PTPA: variants seen among roughly 807,000 people sequenced by gnomAD.
The protein encoded by PTPA is serine/threonine-protein phosphatase 2A activator.
PTPA carries 13 observed loss-of-function variants against 43.6 expected under a neutral mutation model. The ratio of observed to expected loss-of-function variants is 0.30; its 90% confidence interval spans 0.19 to 0.47. The LOEUF is 0.47. Among genes scored for constraint, PTPA ranks in the 20% least tolerant of loss-of-function variants. The pLI, the probability that PTPA is intolerant of heterozygous loss-of-function variation, is 0.99. For synonymous variants in PTPA, 172 were observed against 158.2 expected (o/e 1.09, Z -0.66); for missense variants, 329 against 411.9 (o/e 0.80, Z 1.74).
Position 129,123,120 on chromosome 9 carries a change from C to A in PTPA, c.198C>A (p.Phe66Leu). ...NEGVKGKKLTFEYRVSEAIEK... is the reference protein window; with the variant it reads ...NEGVKGKKLTLEYRVSEAIEK... ...GTGTGAAGGGGAAGAAGCTGACCTT[C>A]GAGTACAGAGTCTCCGAGGTAGGCC... Residue 66 changes from phenylalanine to leucine, a missense_variant, in exon 3 of 10, where the codon TTC (phenylalanine) becomes TTA (leucine). Coordinates refer to ENST00000393370, the MANE Select transcript of PTPA (RefSeq NM_178000.3). 1.2e-6 allele frequency: 2 copies of A among 1,610,744 alleles called. No homozygotes were observed. The highest frequency in any genetic ancestry group is 8.5e-7 in the Non-Finnish European group (1 of 1,177,442).
In PTPA at chr9:129,147,487, C is replaced by T. The variant is rs375232146; in HGVS notation, c.*23C>T. The T allele has an allele frequency of 6.2e-7, 1 of 1,608,992 alleles. No individual in the cohort carries two copies. The highest frequency in any genetic ancestry group is 8.5e-7 in the Non-Finnish European group (1 of 1,176,436). On this transcript the variant is annotated 3_prime_UTR_variant, in exon 10 of 10. Transcript: ENST00000393370. ...TAGGAGGGGCCAAGCCGAAGAGCCACCCAGGCCACAGTTCCTGTGCCTGCC... is the reference window on the plus strand; with the variant it reads ...TAGGAGGGGCCAAGCCGAAGAGCCATCCAGGCCACAGTTCCTGTGCCTGCC...
intron 3 of PTPA, chr9:129,128,115 C>G (rs1411516124): frequency 1.6e-6 from 2 of 1,227,300 alleles, no homozygotes; most frequent in African/African-American, 3.1e-5. Context: ...CTGAGAGGCT[C>G]AGAGTTAGTC....
At chr9:129,133,845 AACAG>A (rs1850158300) in intron 5 of PTPA, among the ~76,000 whole-genome samples, 1 of 152,168 alleles carries the variant, frequency 6.6e-6, no homozygotes, top group Non-Finnish European at 1.5e-5. Context: ...GTGTTCCTCA[AACAG>A]ATCAAACTTT....
At chr9:129,113,307 G>T (rs1848664151) in intron 1 of PTPA, among the ~76,000 whole-genome samples, 1 of 151,696 alleles carries the variant, frequency 6.6e-6, no homozygotes, top group South Asian at 2.1e-4. Context: ...GGCCAGGCTG[G>T]TCTCGAACTC....
chr9:129,128,900 T>C, intron 3 of PTPA, 85 bp from the exon 4 acceptor site: 1 of 1,549,426 alleles, frequency 6.5e-7, no homozygotes, highest in Non-Finnish European at 8.8e-7. Flanking sequence ...CAAGGGGTCA[T>C]TGTCTGGCAG....
intron 6 of PTPA, among the ~76,000 whole-genome samples, chr9:129,135,965 A>T (rs1349392324): frequency 3.3e-5 from 5 of 151,316 alleles, no homozygotes; most frequent in African/African-American, 1.2e-4. Flanking sequence ...TTTTTTATTT[A>T]TTTATTTGTT....
intron 4 of PTPA, among the ~76,000 whole-genome samples, chr9:129,130,888 A>G (rs1267633395): frequency 6.6e-6 from 1 of 152,168 alleles, no homozygotes; most frequent in Non-Finnish European, 1.5e-5. Flanking sequence ...TTTCTATTCC[A>G]TAAATTGATT....
chr9:129,111,824 A>G, intron 1 of PTPA, 193 bp downstream of exon 1: 1 of 1,220,308 alleles, frequency 8.2e-7, no homozygotes, highest in Non-Finnish European at 1.0e-6. Context: ...GGAGGGAACC[A>G]GGGGCTGCAA....
At chr9:129,143,819 C>T (rs1486921204) in intron 9 of PTPA, among the ~76,000 whole-genome samples, 2 of 152,042 alleles carry the variant, frequency 1.3e-5, no homozygotes, top group East Asian at 1.9e-4. Flanking sequence ...CGACTCTGCC[C>T]TGGGTCACTG....
chr9:129,111,682 T>C (rs537134632), intron 1 of PTPA, 51 bp downstream of exon 1: 2 of 1,258,746 alleles, frequency 1.6e-6, no homozygotes, highest in Non-Finnish European at 2.0e-6. Flanking sequence ...GTGGGGGCGG[T>C]GCCAGGTGTG....
intron 3 of PTPA, among the ~76,000 whole-genome samples, chr9:129,126,082 G>T (rs1849558697): frequency 6.6e-6 from 1 of 152,050 alleles, no homozygotes; most frequent in African/African-American, 2.4e-5. Context: ...CCGGGAGGCG[G>T]AGGTTGCAGT....
At position 129,137,707 on chromosome 9, in the gene PTPA, TGA is replaced by T; in HGVS notation, c.786+22_786+23del. On this transcript the variant is annotated intron_variant, in intron 8 of 9. Transcript: ENST00000393370. ...TTATTACCGAGGTGAGGAGGAGGGG[TGA>T]GAGAGAAGCCCATGGCTGCCTCCAG... 2 of 1,574,088 alleles carry T rather than the reference TGA, an allele frequency of 1.3e-6. No individual in the cohort carries two copies. The highest frequency in any genetic ancestry group is 1.7e-6 in the Non-Finnish European group (2 of 1,152,398).
intron 1 of PTPA, among the ~76,000 whole-genome samples, chr9:129,114,607 T>G (rs945911790): frequency 6.6e-6 from 1 of 152,224 alleles, no homozygotes; most frequent in Non-Finnish European, 1.5e-5. Flanking sequence ...GTTTCAAAGT[T>G]GTACAGGTTG....
At chr9:129,140,384 C>T (rs528300107) in intron 8 of PTPA, among the ~76,000 whole-genome samples, 2 of 152,314 alleles carry the variant, frequency 1.3e-5, no homozygotes, top group East Asian at 3.9e-4. Flanking sequence ...CTTAGGGAGA[C>T]CCTGGGGTAC....
intron 4 of PTPA, among the ~76,000 whole-genome samples, chr9:129,130,426 T>TC (rs1849881546): frequency 6.6e-6 from 1 of 151,364 alleles, no homozygotes; most frequent in Admixed American, 6.6e-5. Flanking sequence ...TTTTTTTTTT[T>TC]CCTGTTGTTC....
intron 9 of PTPA, chr9:129,143,267 C>T (rs1851030476): frequency 2.9e-6 from 2 of 700,492 alleles, no homozygotes; most frequent in Admixed American, 4.0e-5. Flanking sequence ...CTCCCACTTC[C>T]TGGGAAGACT....
At chr9:129,118,338 C>T (rs147713292) in intron 1 of PTPA, among the ~76,000 whole-genome samples, 2 of 152,212 alleles carry the variant, frequency 1.3e-5, no homozygotes, top group East Asian at 3.9e-4. Flanking sequence ...AGGTGTGAGC[C>T]ACCACGCCCA....
At chr9:129,140,720 C>T (rs1272787836) in intron 8 of PTPA, among the ~76,000 whole-genome samples, 1 of 151,130 alleles carries the variant, frequency 6.6e-6, no homozygotes, top group East Asian at 1.9e-4. Flanking sequence ...GGTTACACAG[C>T]TCCATGCTCC....
At position 129,136,607 on chromosome 9, in the gene PTPA, G is replaced by C; in HGVS notation, c.685+12G>C. On this transcript the variant is annotated intron_variant, in intron 7 of 9. Transcript: ENST00000393370. ...TTCGCAGCTGATAGGTACTAGAGCG[G>C]GAGGTGCCTATCCCTCCACCCCCAA... The C allele has an allele frequency of 6.2e-7, 1 of 1,603,086 alleles. No individual in the cohort carries two copies.
Sources: gnomAD v4.1 joint callset for allele counts (sites outside exome capture counted in the v4.1 genomes callset) on GRCh38, gnomAD v4.1.1 for gene constraint, MANE v1.5 for transcripts, NCBI Gene and HGNC (gene_info 2026-07-23, HGNC 2026-07-21) for gene names.